Variants in NXN observed in about 807,000 individuals in gnomAD.
NXN encodes nucleoredoxin 1.
A neutral mutation model predicts 48.6 loss-of-function variants in NXN; 16 were observed. The ratio of observed to expected loss-of-function variants is 0.33; its 90% confidence interval spans 0.22 to 0.50. The LOEUF (loss-of-function observed/expected upper bound fraction) is 0.50. NXN is among the 20% of genes least tolerant of loss of function. NXN has a pLI of 0.98. For missense variants in NXN, 492 were observed against 605.5 expected, an observed-to-expected ratio of 0.81 and a Z score of 1.97; for synonymous variants, 281 against 269.6, an observed-to-expected ratio of 1.04 and a Z score of -0.41.
At chr17:952,151 T>G (rs2069119337) in intron 1 of NXN, among the ~76,000 whole-genome samples, 1 of 149,294 alleles carries the variant, frequency 6.7e-6, no homozygotes. Flanking sequence ...CACAGGAGGT[T>G]GCAGAAAATT....
chr17:948,824 GC>G (rs2069076221), intron 1 of NXN, among the ~76,000 whole-genome samples: 1 of 49,008 alleles, frequency 2.0e-5, no homozygotes, highest in Admixed American at 2.4e-4. Flanking sequence ...TCCTCTCCCC[GC>G]GGCCTCCTCC....
At chr17:970,972 G>A (rs561630853) in intron 1 of NXN, among the ~76,000 whole-genome samples, 1 of 146,662 alleles carries the variant, frequency 6.8e-6, no homozygotes, top group Non-Finnish European at 1.5e-5. Flanking sequence ...TTGACACGGA[G>A]TTTCACTCTT....
Position 979,428 on chromosome 17 carries a change from C to A in NXN, c.251G>T (p.Arg84Leu). The change falls in exon 1 of 8, where the codon CGG becomes CTG. Residue 84 changes from arginine to leucine, a missense_variant. Physicochemically the swap from Arg to Leu is moderately radical, Grantham distance 102. Transcript: ENST00000336868. The part of the protein sequence containing the change: ...AGAAAEPEPR[R>L]RLEIVFVSSD... Reference sequence around the variant, plus strand: ...GGACACGAAGACGATCTCCAGGCGCCGCCGCGGCTCGGGCTCCGCCGCCGC... The same window carrying A: ...GGACACGAAGACGATCTCCAGGCGCAGCCGCGGCTCGGGCTCCGCCGCCGC... 7.5e-7 allele frequency: 1 copy of A among 1,328,890 alleles called. No homozygotes were observed. Among genetic ancestry groups the A allele is most frequent in the Non-Finnish European group, 9.7e-7 (1 of 1,025,956 alleles). The allele number at this position is 1,328,890 out of a possible 1,614,324, so 82.3% of individuals were successfully genotyped here.
rs891388943 is a variant in NXN at position 840,618 on chromosome 17, C to T, written c.361-14540G>A. 1.4e-4 allele frequency among the ~76,000 whole-genome samples: 21 copies of T among 152,170 alleles called. No individual in the cohort carries two copies. In the South Asian group the frequency reaches 2.3e-3, roughly 17 times the overall value. On this transcript the variant is annotated intron_variant, in intron 1 of 7. Coordinates refer to ENST00000336868, the MANE Select transcript of NXN (RefSeq NM_022463.5). ...CCTCCCAAAGTGCTGGGATTACAGG[C>T]GTGAGCCACCGCGCCCGGCCGGCGT... is the stretch of plus-strand genomic sequence containing the variant.
rs2068698812 is a variant in NXN, at chr17:917,307, A to G, written c.360+62012T>C. 6.6e-6 allele frequency among the ~76,000 whole-genome samples: 1 copy of G among 152,114 alleles called. No individual in the cohort carries two copies. The highest frequency in any genetic ancestry group is 2.4e-5 in the African/African-American group (1 of 41,430). Reference sequence around the variant, plus strand: ...CAGGCGCCCGCCACCATGCCCAGCTAATTTTTTGTATTTTTAGTAGAGACG... The same window carrying G: ...CAGGCGCCCGCCACCATGCCCAGCTGATTTTTTGTATTTTTAGTAGAGACG... On this transcript the variant is annotated intron_variant, in intron 1 of 7. Coordinates refer to ENST00000336868, the MANE Select transcript of NXN (RefSeq NM_022463.5). This position sits in a 1 kb window ranked among gnomAD's most constrained non-coding sequence, Gnocchi z 4.5.
At chr17:818,382 C>T (rs1193817488) in intron 5 of NXN, among the ~76,000 whole-genome samples, 1 of 151,998 alleles carries the variant, frequency 6.6e-6, no homozygotes, top group Non-Finnish European at 1.5e-5. Flanking sequence ...CTCACTATCA[C>T]GCCTCTTTAC....
At chr17:896,992 G>C (rs1390573058) in intron 1 of NXN, 1 of 1,158,090 alleles carries the variant, frequency 8.6e-7, no homozygotes, top group South Asian at 1.6e-5. Context: ...AAGTCCCCGC[G>C]GCAGATACAC....
Position 958,537 on chromosome 17 carries a change from C to T in NXN, c.360+20782G>A, listed in dbSNP as rs928641262. ...CCTATCATCCCAGCACTTTGGGAGG[C>T]CGAAGCGGGTGGATCACGAGGTCAG... On this transcript the variant is annotated intron_variant, in intron 1 of 7. Coordinates refer to ENST00000336868, the MANE Select transcript of NXN (RefSeq NM_022463.5). This position sits in a 1 kb window ranked among gnomAD's most constrained non-coding sequence, Gnocchi z 6.9. Among the ~76,000 whole-genome samples the T allele has an allele frequency of 6.6e-6, 1 of 152,096 alleles. No homozygotes were observed. Among genetic ancestry groups the T allele is most frequent in the African/African-American group, 2.4e-5 (1 of 41,414 alleles).
At chr17:857,674 G>A (rs554800648) in intron 1 of NXN, among the ~76,000 whole-genome samples, 1 of 152,246 alleles carries the variant, frequency 6.6e-6, no homozygotes, top group African/African-American at 2.4e-5. Context: ...AAAAGCTGTA[G>A]CTCTCTTTCT....
rs142984355 is a variant in NXN at position 937,597 on chromosome 17, C to A, written c.360+41722G>T. Reference sequence around the variant, plus strand: ...GCTCGTTTCCTTCAGAACACACCCCCAAAGTTCCTGGGGTCCCCCCACCGC... The same window carrying A: ...GCTCGTTTCCTTCAGAACACACCCCAAAAGTTCCTGGGGTCCCCCCACCGC... On this transcript the variant is annotated intron_variant, in intron 1 of 7. Coordinates refer to ENST00000336868, the MANE Select transcript of NXN (RefSeq NM_022463.5). Among the ~76,000 whole-genome samples the A allele has an allele frequency of 5.5e-4, 84 of 152,284 alleles. No homozygotes were observed. The East Asian group carries it at 0.015, about 27-fold the overall frequency.
intron 3 of NXN, among the ~76,000 whole-genome samples, chr17:823,157 G>T (rs1912907855): frequency 1.3e-5 from 2 of 151,706 alleles, no homozygotes; most frequent in African/African-American, 4.8e-5. Context: ...CCAGCACTTT[G>T]GGAGGCCGAG....
chr17:931,914 C>T (rs369629630), intron 1 of NXN, among the ~76,000 whole-genome samples: 142 of 147,348 alleles, frequency 9.6e-4, no homozygotes, highest in African/African-American at 3.6e-3. Context: ...GAGGCCGAGG[C>T]GGGGGGATCA....
intron 1 of NXN, among the ~76,000 whole-genome samples, chr17:897,729 G>C (rs980597989): frequency 6.6e-6 from 1 of 152,112 alleles, no homozygotes; most frequent in Admixed American, 6.6e-5. Context: ...AGGCTGGAGT[G>C]CAGTGGCACG....
At chr17:928,544 A>C (rs1486639680) in intron 1 of NXN, among the ~76,000 whole-genome samples, 1 of 152,194 alleles carries the variant, frequency 6.6e-6, no homozygotes, top group Admixed American at 6.5e-5. Context: ...CCCTTGAAAA[A>C]GTACTGGAAG....
chr17:885,473 A>G (rs886071937), intron 1 of NXN, among the ~76,000 whole-genome samples: 3 of 150,082 alleles, frequency 2.0e-5, no homozygotes, highest in African/African-American at 7.5e-5. Context: ...GCGAGACTCA[A>G]TCTCAAAAAA....
Position 810,760 on chromosome 17 carries a change from A to AGG in NXN, c.821-5514_821-5513insCC, listed in dbSNP as rs1911943407. Among the ~76,000 whole-genome samples, 6 of 152,146 alleles carry AGG rather than the reference A, an allele frequency of 3.9e-5. No individual in the cohort carries two copies. In the South Asian group the frequency reaches 1.0e-3, roughly 26 times the overall value. ...CAAAATTAGCTGGGCGTGGTAGCGC[A>AGG]CCCCTGTACTCCCAGCTACTCAGGA... On this transcript the variant is annotated intron_variant, in intron 5 of 7. Coordinates refer to ENST00000336868, the MANE Select transcript of NXN (RefSeq NM_022463.5).
At chr17:887,797 TAAG>T (rs113831211) in intron 1 of NXN, among the ~76,000 whole-genome samples, 17,765 of 152,070 alleles carry the variant, frequency 0.12, 2,400 homozygotes, top group African/African-American at 0.33. Context: ...TCCTTTTTCC[TAAG>T]AAAAAGGCAG....
chr17:895,905 G>T (rs1316145942), intron 1 of NXN, among the ~76,000 whole-genome samples: 1 of 151,984 alleles, frequency 6.6e-6, no homozygotes, highest in Non-Finnish European at 1.5e-5. Flanking sequence ...TTAGTAAAAT[G>T]GGCTTTACAA....
At chr17:873,314 C>A (rs1436623162) in intron 1 of NXN, among the ~76,000 whole-genome samples, 1 of 151,730 alleles carries the variant, frequency 6.6e-6, no homozygotes, top group Non-Finnish European at 1.5e-5. Context: ...CTGGCCAACA[C>A]GATGAAACCC....
Sources: allele counts gnomAD v4.1 joint callset (sites outside exome capture counted in the v4.1 genomes callset), GRCh38; gene constraint gnomAD v4.1.1; non-coding constraint Gnocchi (gnomAD v3.1); transcripts MANE v1.5; gene names NCBI Gene and HGNC (gene_info 2026-07-23, HGNC 2026-07-21).